The following COL27A1 variants were observed in gnomAD, a reference collection of about 807,000 sequenced individuals.
COL27A1 encodes the protein collagen type XXVII alpha 1 chain, also known as collagen alpha-1(XXVII) chain.
A neutral mutation model predicts 251.3 loss-of-function variants in COL27A1; 106 were observed. The observed-to-expected ratio is 0.42, with a 90% CI of 0.36 to 0.50. COL27A1 has a LOEUF of 0.50. COL27A1 is among the 20% of genes least tolerant of loss of function. The probability of loss-of-function intolerance (pLI) is 0.00; values close to 1 mark genes in which losing one functional copy is unlikely to be tolerated. For missense variants in COL27A1, 2,325 were observed against 2,522.8 expected (o/e 0.92, Z 1.68); for synonymous variants, 1,000 against 986.3 (o/e 1.01, Z -0.26).
At chr9:114,277,862 C>G (rs544987997) in intron 37 of COL27A1, among the ~76,000 whole-genome samples, 6 of 152,144 alleles carry the variant, frequency 3.9e-5, no homozygotes, top group African/African-American at 1.4e-4. Flanking sequence ...TTCTAGGGAC[C>G]CTTTTTTAGT....
At position 114,250,657 on chromosome 9, in the gene COL27A1, G is replaced by T. The variant is rs139143802; in HGVS notation, c.3022G>T (p.Val1008Leu). Residue 1008 changes from valine to leucine, a missense_variant, in exon 25 of 61, where the codon GTG (valine) becomes TTG (leucine). This residue lies in a region of COL27A1 where 662 missense variants were observed against 795.3 expected (regional missense o/e 0.83). Coordinates refer to ENST00000356083, the MANE Select transcript of COL27A1 (RefSeq NM_032888.4). Reference protein sequence around the residue: ...FIGLVGEPGIVGEKGDRGMMG... With the variant: ...FIGLVGEPGILGEKGDRGMMG... Reference sequence around the variant, plus strand: ...TGGTCTGGTCGGGGAGCCAGGAATCGTGGGAGAAAAGGTAAGTGGTGTTGA... The same window carrying T: ...TGGTCTGGTCGGGGAGCCAGGAATCTTGGGAGAAAAGGTAAGTGGTGTTGA... 31 of 1,611,862 alleles carry T rather than the reference G, an allele frequency of 1.9e-5. No homozygotes were observed. In the South Asian group the frequency reaches 3.4e-4, roughly 18 times the overall value.
At chr9:114,270,908 T>C (rs1242738400) in intron 36 of COL27A1, 127 bp downstream of exon 36, 29 of 753,340 alleles carry the variant, frequency 3.8e-5, no homozygotes, top group Non-Finnish European at 5.9e-5. Flanking sequence ...CCAGCTCCCA[T>C]TGACAGCAGC....
At chr9:114,267,591 G>C in intron 34 of COL27A1, 34 bp downstream of exon 34, 2 of 1,582,216 alleles carry the variant, frequency 1.3e-6, no homozygotes, top group African/African-American at 2.7e-5. Context: ...AAAATGACTT[G>C]TTGAAACCAG....
At chr9:114,256,424 C>T (rs920576410) in intron 27 of COL27A1, among the ~76,000 whole-genome samples, 2 of 152,128 alleles carry the variant, frequency 1.3e-5, no homozygotes, top group African/African-American at 2.4e-5. Context: ...ACCTGGGAGG[C>T]GGAGCTTGCA....
At chr9:114,262,873 A>AT in intron 28 of COL27A1, among the ~76,000 whole-genome samples, 1 of 151,534 alleles carries the variant, frequency 6.6e-6, no homozygotes, top group Non-Finnish European at 1.5e-5. Flanking sequence ...AGGGAGCTCC[A>AT]GGCAGCTGAG....
chr9:114,208,174 G>C (rs761572686), intron 10 of COL27A1, among the ~76,000 whole-genome samples: 3 of 152,104 alleles, frequency 2.0e-5, no homozygotes, highest in Non-Finnish European at 2.9e-5. Context: ...GCGGTGGCTC[G>C]TGCCTGTAAT....
intron 3 of COL27A1, among the ~76,000 whole-genome samples, chr9:114,173,133 G>C (rs530789293): frequency 1.3e-5 from 2 of 152,366 alleles, no homozygotes; most frequent in East Asian, 3.9e-4. Flanking sequence ...GAAAAATTGA[G>C]CTTGGCCCTG....
At chr9:114,216,232 G>A (rs1830704721) in intron 12 of COL27A1, among the ~76,000 whole-genome samples, 1 of 152,244 alleles carries the variant, frequency 6.6e-6, no homozygotes, top group Non-Finnish European at 1.5e-5. Flanking sequence ...GGCCCGACCT[G>A]GGAAAGTAGA....
intron 12 of COL27A1, among the ~76,000 whole-genome samples, chr9:114,216,299 C>T (rs940745945): frequency 2.0e-5 from 3 of 152,224 alleles, no homozygotes; most frequent in Non-Finnish European, 4.4e-5. Context: ...GGGCCTGGGG[C>T]CAGCCTGCTG....
chr9:114,235,673 C>T (rs1832334193), intron 17 of COL27A1, 21 bp downstream of exon 17: 3 of 1,596,032 alleles, frequency 1.9e-6, no homozygotes, highest in Non-Finnish European at 2.6e-6. Flanking sequence ...GAGATTTTCC[C>T]CTCCCCCTGC....
intron 12 of COL27A1, among the ~76,000 whole-genome samples, chr9:114,214,994 A>G (rs1197138147): frequency 6.6e-6 from 1 of 152,224 alleles, no homozygotes; most frequent in African/African-American, 2.4e-5. Context: ...TCTTCTCCAA[A>G]TGTACTTTCA....
chr9:114,197,158 G>A (rs1829200538), intron 7 of COL27A1, among the ~76,000 whole-genome samples: 1 of 152,148 alleles, frequency 6.6e-6, no homozygotes, highest in Non-Finnish European at 1.5e-5. Flanking sequence ...GAATCCATCG[G>A]CCTACCACTG....
chr9:114,244,632 G>C (rs146720531), intron 23 of COL27A1, among the ~76,000 whole-genome samples: 39 of 152,330 alleles, frequency 2.6e-4, no homozygotes, highest in East Asian at 1.5e-3. Context: ...CCACTTATCT[G>C]TCCTGGCCCC....
At chr9:114,199,533 C>A (rs1293203824) in intron 7 of COL27A1, among the ~76,000 whole-genome samples, 1 of 152,132 alleles carries the variant, frequency 6.6e-6, no homozygotes, top group Non-Finnish European at 1.5e-5. Context: ...TTCTGCTGTG[C>A]CCTCCCCAGG....
At chr9:114,245,967 G>C (rs1833102458) in intron 24 of COL27A1, 57 bp downstream of exon 24, 1 of 1,517,866 alleles carries the variant, frequency 6.6e-7, no homozygotes, top group African/African-American at 1.4e-5. Context: ...CTTACTCTGT[G>C]CCAAGCCCTT....
rs771892998 is a variant in COL27A1 at position 114,309,255 on chromosome 9, T to C, written c.5218-5T>C. 9.8e-5 allele frequency: 158 copies of C among 1,613,920 alleles called. No individual in the cohort carries two copies. The highest frequency in any genetic ancestry group is 1.3e-4 in the Non-Finnish European group (156 of 1,179,924). Reference sequence around the variant, plus strand: ...GAGCCGCTCACTGCCGTTGCTTCTCTATAGGTCGAGTTTGCCATCAGCCGG... The same window carrying C: ...GAGCCGCTCACTGCCGTTGCTTCTCCATAGGTCGAGTTTGCCATCAGCCGG... On this transcript the variant is annotated splice_region_variant and splice_polypyrimidine_tract_variant and intron_variant, in intron 59 of 60. Transcript: ENST00000356083.
chr9:114,204,279 A>G (rs975663319), intron 7 of COL27A1, among the ~76,000 whole-genome samples: 2 of 152,224 alleles, frequency 1.3e-5, no homozygotes, highest in Admixed American at 1.3e-4. Flanking sequence ...AGGGTCTAAC[A>G]TGGATGAGTG....
At chr9:114,242,903 G>C (rs1832857400) in intron 22 of COL27A1, among the ~76,000 whole-genome samples, 1 of 152,214 alleles carries the variant, frequency 6.6e-6, no homozygotes, top group Non-Finnish European at 1.5e-5. Context: ...TGAGTGGAAA[G>C]AGTGGCATTG....
intron 2 of COL27A1, among the ~76,000 whole-genome samples, chr9:114,164,589 G>A (rs1180069086): frequency 6.6e-6 from 1 of 152,254 alleles, no homozygotes; most frequent in Non-Finnish European, 1.5e-5. Flanking sequence ...GGAGAAAGAT[G>A]TGAGCAGGCC....
Sources: gnomAD v4.1 joint callset for allele counts (sites outside exome capture counted in the v4.1 genomes callset) on GRCh38, gnomAD v4.1.1 for gene constraint, gnomAD v4.1.1 regional missense constraint, MANE v1.5 for transcripts, NCBI Gene and HGNC (gene_info 2026-07-23, HGNC 2026-07-21) for gene names.